Variants in RBP3 observed in about 807,000 individuals in gnomAD.
The protein encoded by RBP3 is retinol binding protein 3.
A neutral mutation model predicts 64.8 loss-of-function variants in RBP3; 50 were observed. That is an observed-to-expected ratio of 0.77 (90% CI 0.61 to 0.98). RBP3 has a LOEUF of 0.98. Among genes scored for constraint, RBP3 ranks in the 50% least tolerant of loss-of-function variants. RBP3 has a pLI of 0.00. For missense variants in RBP3, 1,712 were observed against 1,660.5 expected (o/e 1.03, Z -0.54); for synonymous variants, 828 against 730.2 (o/e 1.13, Z -2.16).
rs544130671 is a variant in RBP3, at chr10:47,351,547, C to T, written c.3054+9C>T. On this transcript the variant is annotated intron_variant, in intron 1 of 3. Transcript: ENST00000584701. ...GAATTGTGCCCATGCAGGTGAGACCCAAGAGAGACCTGGCTGAACCCAGTC... is the reference window on the plus strand; with the variant it reads ...GAATTGTGCCCATGCAGGTGAGACCTAAGAGAGACCTGGCTGAACCCAGTC... The T allele has an allele frequency of 6.2e-6, 10 of 1,613,522 alleles. No individual in the cohort carries two copies. The East Asian group carries it at 2.0e-4, about 32-fold the overall frequency.
Position 47,350,072 on chromosome 10 carries a change from C to G in RBP3, c.1588C>G (p.Arg530Gly), listed in dbSNP as rs202162675. 6.2e-7 allele frequency: 1 copy of G among 1,612,872 alleles called. No homozygotes were observed. The highest frequency in any genetic ancestry group is 1.3e-5 in the African/African-American group (1 of 74,930). The change falls in exon 1 of 4, where the codon CGC (arginine) becomes GGC (glycine). Residue 530 changes from arginine (R) to glycine (G), a missense_variant. By Grantham distance (125) the Arg-to-Gly change is moderately radical (BLOSUM62 -2). Transcript: ENST00000584701. ...CAGCCACATGGAGCTCCCGGGCCCACGCTACAGCACCCAACGTGGGGTGTA... is the reference window on the plus strand; with the variant it reads ...CAGCCACATGGAGCTCCCGGGCCCAGGCTACAGCACCCAACGTGGGGTGTA... ...HFSHMELPGP[R>G]YSTQRGVYLL...
intron 3 of RBP3, among the ~76,000 whole-genome samples, chr10:47,355,954 A>G (rs1555211949): frequency 6.6e-6 from 1 of 152,122 alleles, no homozygotes; most frequent in African/African-American, 2.4e-5. Flanking sequence ...ACTTGCCTGG[A>G]AAGGTCATGA....
chr10:47,348,475 C>T lies in RBP3; in HGVS notation c.-10C>T, dbSNP rs782087661. On this transcript the variant is annotated 5_prime_UTR_variant, in exon 1 of 4. Coordinates refer to ENST00000584701, the MANE Select transcript of RBP3 (RefSeq NM_002900.3). ...TTTTGTGCAGGAGCCAGGCCTCCCC[C>T]TGGGTCCCCATGATGAGAGAATGGG... 4 of 1,600,500 alleles carry T rather than the reference C, an allele frequency of 2.5e-6. No homozygotes were observed. In the Admixed American group the frequency reaches 6.7e-5, roughly 27 times the overall value.
rs781947588 is a variant in RBP3 at position 47,349,137 on chromosome 10, G to C, written c.653G>C (p.Gly218Ala). ...ATCTGGACCTTGCCCCAGGTCCTGGGAGAAAGGTACGGTGCCGACAAGGAT... is the reference window on the plus strand; with the variant it reads ...ATCTGGACCTTGCCCCAGGTCCTGGCAGAAAGGTACGGTGCCGACAAGGAT... ...TEIWTLPQVLGERYGADKDVV... is the reference protein window; with the variant it reads ...TEIWTLPQVLAERYGADKDVV... Residue 218 changes from glycine (G) to alanine (A), a missense_variant, in exon 1 of 4, where the codon GGA becomes GCA. Transcript: ENST00000584701. 1.2e-6 allele frequency: 2 copies of C among 1,613,976 alleles called. No homozygotes were observed. Among genetic ancestry groups the C allele is most frequent in the African/African-American group, 2.7e-5 (2 of 75,044 alleles).
intron 2 of RBP3, among the ~76,000 whole-genome samples, chr10:47,354,659 C>T (rs1555211869): frequency 6.6e-6 from 1 of 152,212 alleles, no homozygotes; most frequent in African/African-American, 2.4e-5. Context: ...CCCCAGCCTG[C>T]AAGTGCACTT....
In RBP3 at chr10:47,349,378, C is replaced by T. The variant is rs782202970; in HGVS notation, c.894C>T (p.Gly298=). 6.2e-7 allele frequency: 1 copy of T among 1,612,052 alleles called. No homozygotes were observed. Among genetic ancestry groups the T allele is most frequent in the East Asian group, 2.2e-5 (1 of 44,868 alleles). The change falls in exon 1 of 4, where the codon GGC becomes GGT. Residue 298 remains glycine (G), a synonymous_variant. Coordinates refer to ENST00000584701, the MANE Select transcript of RBP3 (RefSeq NM_002900.3). ...GTGGAGGCAGCCAGACGTGGGAGGG[C>T]AGCGGGGTGCTGCCCTGTGTGGGGA... ...PLGGGSQTWE[G]SGVLPCVGTP... is the part of the protein sequence containing the mutation.
In RBP3 at chr10:47,349,849, G is replaced by A; in HGVS notation, c.1365G>A (p.Val455=). ...DSFADASVLG[V]LAPYVLRQVW... is the part of the protein sequence containing the mutation. ...TTGCTGACGCCTCCGTCCTGGGTGTGTTGGCCCCATATGTCCTGCGCCAGG... is the reference window on the plus strand; with the variant it reads ...TTGCTGACGCCTCCGTCCTGGGTGTATTGGCCCCATATGTCCTGCGCCAGG... The change falls in exon 1 of 4, where the codon GTG becomes GTA. Residue 455 remains valine, a synonymous_variant. Transcript: ENST00000584701. 6.2e-7 allele frequency: 1 copy of A among 1,613,214 alleles called. No homozygotes were observed. Among genetic ancestry groups the A allele is most frequent in the Non-Finnish European group, 8.5e-7 (1 of 1,180,030 alleles).
chr10:47,350,086 A>G lies in RBP3; in HGVS notation c.1602A>G (p.Gln534=), dbSNP rs1324556093. The G allele has an allele frequency of 8.1e-6, 13 of 1,612,996 alleles. No homozygotes were observed. The highest frequency in any genetic ancestry group is 1.0e-5 in the Non-Finnish European group (12 of 1,179,990). ...MELPGPRYST[Q]RGVYLLTSHR... ...TCCCGGGCCCACGCTACAGCACCCA[A>G]CGTGGGGTGTATCTGCTCACCAGCC... Residue 534 remains glutamine (Q), a synonymous_variant, in exon 1 of 4, where the codon CAA becomes CAG. Transcript: ENST00000584701.
Position 47,353,306 on chromosome 10 carries a change from G to A in RBP3, c.3055-19G>A, listed in dbSNP as rs781914941. ...TGGCTGCTCCTCCTGACACTGAGTAGGACCTCCAACTCTTACAGATCCCTT... is the reference window on the plus strand; with the variant it reads ...TGGCTGCTCCTCCTGACACTGAGTAAGACCTCCAACTCTTACAGATCCCTT... On this transcript the variant is annotated intron_variant, in intron 1 of 3. Transcript: ENST00000584701. The A allele has an allele frequency of 9.3e-6, 15 of 1,613,426 alleles. No individual in the cohort carries two copies. The South Asian group carries it at 1.5e-4, about 17-fold the overall frequency.
intron 1 of RBP3, among the ~76,000 whole-genome samples, chr10:47,352,857 CT>C (rs1555211732): frequency 6.6e-6 from 1 of 152,188 alleles, no homozygotes. Flanking sequence ...TCTCTCTGTG[CT>C]TCAGTTTTTC....
chr10:47,353,230 T>A, intron 1 of RBP3, 95 bp from the exon 2 acceptor site: 2 of 1,132,318 alleles, frequency 1.8e-6, no homozygotes, highest in Non-Finnish European at 2.7e-6. Flanking sequence ...TTAGTTCCTG[T>A]CCCATGCCCT....
At position 47,357,152 on chromosome 10, in the gene RBP3, A is replaced by G; in HGVS notation, c.3439A>G (p.Thr1147Ala). ...KSMVILTSSV[T>A]AGTAEEFTYI... ...CATGGTCATTCTGACCAGCAGTGTG[A>G]CGGCCGGCACCGCGGAGGAGTTCAC... The change falls in exon 4 of 4, where the codon ACG (threonine) becomes GCG (alanine). Residue 1147 changes from threonine to alanine, a missense_variant. Coordinates refer to ENST00000584701, the MANE Select transcript of RBP3 (RefSeq NM_002900.3). 6.2e-7 allele frequency: 1 copy of G among 1,613,306 alleles called. No individual in the cohort carries two copies.
rs782659485 is a variant in RBP3, at chr10:47,351,365, A to T, written c.2881A>T (p.Met961Leu). Residue 961 changes from methionine (M) to leucine (L), a missense_variant, in exon 1 of 4, where the codon ATG becomes TTG. By Grantham distance (15) the Met-to-Leu change is conservative (BLOSUM62 2). Coordinates refer to ENST00000584701, the MANE Select transcript of RBP3 (RefSeq NM_002900.3). Reference protein sequence around the residue: ...NYASAELGAKMATKLSGLQSR... With the variant: ...NYASAELGAKLATKLSGLQSR... Reference sequence around the variant, plus strand: ...TGCCTCTGCCGAGCTGGGGGCCAAGATGGCCACCAAACTGAGCGGTCTGCA... The same window carrying T: ...TGCCTCTGCCGAGCTGGGGGCCAAGTTGGCCACCAAACTGAGCGGTCTGCA... The T allele has an allele frequency of 1.2e-5, 20 of 1,613,568 alleles. No homozygotes were observed. Among genetic ancestry groups the T allele is most frequent in the Non-Finnish European group, 1.7e-5 (20 of 1,180,034 alleles).
chr10:47,356,839 C>CATATCA (rs1837052929), intron 3 of RBP3, among the ~76,000 whole-genome samples: 1 of 152,150 alleles, frequency 6.6e-6, no homozygotes, highest in Non-Finnish European at 1.5e-5. Flanking sequence ...GAGAGTCAAG[C>CATATCA]CTTTCCTATC....
chr10:47,355,460 G>A lies in RBP3; in HGVS notation c.3330G>A (p.Lys1110=), dbSNP rs1224442032. ...AAGGCCCTCCAGTTCTGCTGGACAA[G>A]ATCTACAGCCGGCCTGATGACTCTG... ...FDEGPPVLLD[K]IYSRPDDSVS... The change falls in exon 3 of 4, where the codon AAG becomes AAA. Residue 1110 remains lysine, a synonymous_variant. Coordinates refer to ENST00000584701, the MANE Select transcript of RBP3 (RefSeq NM_002900.3). The A allele has an allele frequency of 1.9e-6, 3 of 1,614,054 alleles. No homozygotes were observed. In the African/African-American group the frequency reaches 4.0e-5, roughly 22 times the overall value.
In RBP3 at chr10:47,349,825, T is replaced by G; in HGVS notation, c.1341T>G (p.Phe447Leu). The G allele has an allele frequency of 6.2e-7, 1 of 1,613,254 alleles. No homozygotes were observed. The highest frequency in any genetic ancestry group is 8.5e-7 in the Non-Finnish European group (1 of 1,180,020). Residue 447 changes from phenylalanine to leucine, a missense_variant, in exon 1 of 4, where the codon TTT (phenylalanine) becomes TTG (leucine). By Grantham distance (22) the Phe-to-Leu change is conservative. Coordinates refer to ENST00000584701, the MANE Select transcript of RBP3 (RefSeq NM_002900.3). The stretch of plus-strand genomic sequence containing the variant: ...TGGGCTACCTGCGCTTCGATAGTTT[T>G]GCTGACGCCTCCGTCCTGGGTGTGT... ...GNVGYLRFDS[F>L]ADASVLGVLA... is the part of the protein sequence containing the mutation.
In RBP3 at chr10:47,351,248, G is replaced by A. The variant is rs141749618; in HGVS notation, c.2764G>A (p.Glu922Lys). ...VEPDITVPMS[E>K]ALSIAQDIVA... ...GCCCGACATCACTGTGCCCATGAGCGAAGCCCTTTCCATAGCCCAGGACAT... is the reference window on the plus strand; with the variant it reads ...GCCCGACATCACTGTGCCCATGAGCAAAGCCCTTTCCATAGCCCAGGACAT... Residue 922 changes from glutamate to lysine, a missense_variant, in exon 1 of 4, where the codon GAA becomes AAA. Physicochemically the swap from Glu to Lys is moderately conservative, Grantham distance 56. Transcript: ENST00000584701. 21 of 1,613,256 alleles carry A rather than the reference G, an allele frequency of 1.3e-5. No individual in the cohort carries two copies. The highest frequency in any genetic ancestry group is 2.7e-5 in the African/African-American group (2 of 74,950).
chr10:47,355,400 C>A lies in RBP3; in HGVS notation c.3270C>A (p.Ser1090=). ...DMRFNIGGPT[S]SIPILCSYFF... ...GGTTCAACATCGGTGGCCCCACATC[C>A]TCCATTCCCATCTTGTGCTCCTACT... is the stretch of plus-strand genomic sequence containing the variant. Residue 1090 remains serine (S), a synonymous_variant, in exon 3 of 4, where the codon TCC becomes TCA. Coordinates refer to ENST00000584701, the MANE Select transcript of RBP3 (RefSeq NM_002900.3). 6.2e-7 allele frequency: 1 copy of A among 1,614,090 alleles called. No individual in the cohort carries two copies. The highest frequency in any genetic ancestry group is 8.5e-7 in the Non-Finnish European group (1 of 1,180,038).
chr10:47,356,031 T>C (rs1030435278), intron 3 of RBP3, among the ~76,000 whole-genome samples: 3 of 152,140 alleles, frequency 2.0e-5, no homozygotes, highest in Non-Finnish European at 4.4e-5. Context: ...AGGCAGGCCC[T>C]GAGCTTTACA....
Sources: gnomAD v4.1 joint callset for allele counts (sites outside exome capture counted in the v4.1 genomes callset) on GRCh38, gnomAD v4.1.1 for gene constraint, MANE v1.5 for transcripts, NCBI Gene and HGNC (gene_info 2026-07-23, HGNC 2026-07-21) for gene names.